The following RPS6KL1 variants were observed in gnomAD, a reference collection of about 807,000 sequenced individuals.
RPS6KL1 encodes ribosomal protein S6 kinase like 1, also known as ribosomal protein S6 kinase-like 1.
A neutral mutation model predicts 57.0 loss-of-function variants in RPS6KL1; 41 were observed. That is an observed-to-expected ratio of 0.72 (90% confidence interval 0.56 to 0.93). The LOEUF is 0.93. Ranked by LOEUF, RPS6KL1 falls within the 40% of genes least tolerant of loss-of-function variation. RPS6KL1 has a pLI of 0.00. For synonymous variants in RPS6KL1, 287 were observed against 309.7 expected (o/e 0.93, Z 0.77); for missense variants, 697 against 727.7 (o/e 0.96, Z 0.49).
rs749418985 is a variant in RPS6KL1, at chr14:74,909,702, C to A, written c.1111G>T (p.Asp371Tyr). Residue 371 changes from aspartate (D) to tyrosine (Y), a missense_variant, in exon 8 of 12, where the codon GAT becomes TAT. Transcript: ENST00000557413. ...CTGCCACAGCCCCGGCCGGCCCCAT[C>A]TGCTGACAGGCAGCTCTGATCCATG... ...RGMDQSCLSA[D>Y]GAGRGCGRAT... 6.2e-7 allele frequency: 1 copy of A among 1,609,156 alleles called. No individual in the cohort carries two copies.
At position 74,918,541 on chromosome 14, in the gene RPS6KL1, C is replaced by A; in HGVS notation, c.455G>T (p.Gly152Val). 6.5e-7 allele frequency: 1 copy of A among 1,534,612 alleles called. No homozygotes were observed. Among genetic ancestry groups the A allele is most frequent in the Non-Finnish European group, 8.7e-7 (1 of 1,146,218 alleles). ...CTCGATGACCCCGACCACCCTGCAG[C>A]CCCTCAGCTGCTCCACGGCAGAGCT... Reference protein sequence around the residue: ...TLSSAVEQLRGCRVVGVIEKV... With the variant: ...TLSSAVEQLRVCRVVGVIEKV... Residue 152 changes from glycine to valine, a missense_variant, in exon 5 of 12, where the codon GGC (glycine) becomes GTC (valine). By Grantham distance (109) the Gly-to-Val change is moderately radical. Coordinates refer to ENST00000557413, the MANE Select transcript of RPS6KL1 (RefSeq NM_031464.5).
In RPS6KL1 at chr14:74,909,185, T is replaced by G; in HGVS notation, c.1276A>C (p.Ile426Leu). 1 of 1,614,084 alleles carries G rather than the reference T, an allele frequency of 6.2e-7. No individual in the cohort carries two copies. Among genetic ancestry groups the G allele is most frequent in the Non-Finnish European group, 8.5e-7 (1 of 1,179,944 alleles). The change falls in exon 9 of 12, where the codon ATC (isoleucine) becomes CTC (leucine). Residue 426 changes from isoleucine (I) to leucine (L), a missense_variant. Coordinates refer to ENST00000557413, the MANE Select transcript of RPS6KL1 (RefSeq NM_031464.5). ...GNLLLDQAGH[I>L]RLTYFGQWSE... ...CACTGGCCAAAATATGTGAGCCGGA[T>G]GTGACCTCCAGTGTGTGGGAGGAAA...
intron 4 of RPS6KL1, among the ~76,000 whole-genome samples, chr14:74,919,460 G>A (rs1364353593): frequency 6.6e-6 from 1 of 152,132 alleles, no homozygotes; most frequent in Non-Finnish European, 1.5e-5. Context: ...AGGGTGTCGG[G>A]GTCTGCTCCA....
rs1356082485 is a variant in RPS6KL1, at chr14:74,918,616, G to C, written c.391-11C>G. The C allele has an allele frequency of 1.3e-6, 2 of 1,531,056 alleles. No homozygotes were observed. The highest frequency in any genetic ancestry group is 1.4e-5 in the African/African-American group (1 of 73,090). The allele number at this position is 1,531,056 out of a possible 1,614,324, so 94.8% of individuals were successfully genotyped here. On this transcript the variant is annotated splice_polypyrimidine_tract_variant and intron_variant, in intron 4 of 11. Transcript: ENST00000557413. Reference sequence around the variant, plus strand: ...CAGGCTGCTGAAACCCTGCAGAGGAGGGAGACAGGCCACACACAGCCTCAG... The same window carrying C: ...CAGGCTGCTGAAACCCTGCAGAGGACGGAGACAGGCCACACACAGCCTCAG...
intron 3 of RPS6KL1, 39 bp downstream of exon 3, chr14:74,921,238 T>TTCCCCCCCCCC: frequency 1.7e-4 from 139 of 839,922 alleles, no homozygotes; most frequent in Middle Eastern, 5.2e-4. Flanking sequence ...CACTGGCCCT[T>TTCCCCCCCCCC]CCCCACCCAC....
intron 5 of RPS6KL1, among the ~76,000 whole-genome samples, chr14:74,912,229 T>C (rs1191365098): frequency 2.0e-5 from 3 of 152,126 alleles, no homozygotes; most frequent in African/African-American, 7.2e-5. Context: ...GCTAGACACA[T>C]GCACTGTGAG....
Position 74,918,548 on chromosome 14 carries a change from G to C in RPS6KL1, c.448C>G (p.Leu150Val). 1 of 1,534,476 alleles carries C rather than the reference G, an allele frequency of 6.5e-7. No individual in the cohort carries two copies. The highest frequency in any genetic ancestry group is 8.7e-7 in the Non-Finnish European group (1 of 1,146,162). Reference protein sequence around the residue: ...IRTLSSAVEQLRGCRVVGVIE... With the variant: ...IRTLSSAVEQVRGCRVVGVIE... ...ACCCCGACCACCCTGCAGCCCCTCA[G>C]CTGCTCCACGGCAGAGCTCAGCGTG... is the stretch of plus-strand genomic sequence containing the variant. Residue 150 changes from leucine (L) to valine (V), a missense_variant, in exon 5 of 12, where the codon CTG (leucine) becomes GTG (valine). Leu to Val is a conservative substitution (Grantham distance 32). Transcript: ENST00000557413.
chr14:74,922,417 G>T lies in RPS6KL1; in HGVS notation c.-460C>A. ...TTTTGTTCCCTTGGTCCTGAGGTCA[G>T]TGTGGTCAGCGAGTGAGGACCCCTC... On this transcript the variant is annotated 5_prime_UTR_variant, in exon 2 of 12. The change creates a new upstream start codon in the 5' untranslated region. Coordinates refer to ENST00000557413, the MANE Select transcript of RPS6KL1 (RefSeq NM_031464.5). 1.1e-6 allele frequency: 1 copy of T among 922,058 alleles called. No homozygotes were observed. The highest frequency in any genetic ancestry group is 1.3e-6 in the Non-Finnish European group (1 of 771,674). 57.1% of individuals were successfully genotyped at this position (922,058 alleles called of 1,614,324 possible). A position where few individuals can be genotyped will look rare whatever the true frequency, so the allele number is the denominator to read the frequency against.
At chr14:74,913,796 A>T (rs1886410208) in intron 5 of RPS6KL1, among the ~76,000 whole-genome samples, 1 of 152,232 alleles carries the variant, frequency 6.6e-6, no homozygotes, top group Admixed American at 6.5e-5. Flanking sequence ...CACCCTTGAT[A>T]ACCTGTCGTG....
At chr14:74,915,631 G>A (rs1330619432) in intron 5 of RPS6KL1, among the ~76,000 whole-genome samples, 4 of 152,204 alleles carry the variant, frequency 2.6e-5, no homozygotes, top group East Asian at 3.8e-4. Flanking sequence ...GGGTGGAGGC[G>A]CAGAAAGGAG....
chr14:74,904,805 C>T lies in RPS6KL1; in HGVS notation c.*2209G>A, dbSNP rs1012745590. 1 of 152,170 alleles carries T rather than the reference C, an allele frequency of 6.6e-6. No homozygotes were observed. Among genetic ancestry groups the T allele is most frequent in the Non-Finnish European group, 1.5e-5 (1 of 68,040 alleles). The allele number at this position is 152,170 out of a possible 1,614,324, so 9.4% of individuals were successfully genotyped here. On this transcript the variant is annotated 3_prime_UTR_variant, in exon 12 of 12. Transcript: ENST00000557413. ...CAGGTGAGGGTTGATGACCTAGGAG[C>T]AGTGGTCAGTGAGCGTGAGTGTACA...
chr14:74,909,373 G>C (rs750549727), intron 8 of RPS6KL1, 170 bp downstream of exon 8: 3 of 1,017,000 alleles, frequency 2.9e-6, no homozygotes, highest in Non-Finnish European at 4.3e-6. Flanking sequence ...GAGCCCACAG[G>C]GTACTCCCAG....
At chr14:74,917,270 G>A (rs1357235555) in intron 5 of RPS6KL1, among the ~76,000 whole-genome samples, 1 of 152,236 alleles carries the variant, frequency 6.6e-6, no homozygotes, top group Non-Finnish European at 1.5e-5. Flanking sequence ...CCCCATTGGG[G>A]GAGAATTCTC....
rs1001565222 is a variant in RPS6KL1 at position 74,907,016 on chromosome 14, AC to A, written c.1647del (p.Ter550LysfsTer77). 10 of 1,607,774 alleles carry A rather than the reference AC, an allele frequency of 6.2e-6. No individual in the cohort carries two copies. In the African/African-American group the frequency reaches 1.1e-4, roughly 17 times the overall value. On this transcript the variant is annotated frameshift_variant, in exon 12 of 12. Coordinates refer to ENST00000557413, the MANE Select transcript of RPS6KL1 (RefSeq NM_031464.5). LOFTEE classifies it high-confidence loss of function. ...CTTCCGTCACCCGCTCTGCCCTCTT[AC>A]CCCACCAGCTTGCTCCATTGGATGG... The part of the protein sequence containing the change: ...FSTIQWSKLV[G>X]
intron 6 of RPS6KL1, 116 bp downstream of exon 6, chr14:74,911,678 C>T: frequency 9.9e-7 from 1 of 1,008,254 alleles, no homozygotes; most frequent in Non-Finnish European, 1.5e-6. Flanking sequence ...GGCAGAACAA[C>T]CAGCTTTTGT....
intron 7 of RPS6KL1, 85 bp downstream of exon 7, chr14:74,911,163 C>T (rs765912874): frequency 2.7e-5 from 38 of 1,381,880 alleles, no homozygotes; most frequent in Middle Eastern, 3.5e-4. Flanking sequence ...TGAGCCACCA[C>T]GCCCTGCCAG....
chr14:74,921,727 A>T, intron 2 of RPS6KL1, 166 bp from the exon 3 acceptor site: 3 of 1,421,910 alleles, frequency 2.1e-6, no homozygotes, highest in Non-Finnish European at 2.7e-6. Flanking sequence ...GTCCTTCCTA[A>T]GTGGTGGTAA....
rs1335001653 is a variant in RPS6KL1 at position 74,905,187 on chromosome 14, G to A, written c.*1827C>T. ...CTCAGGGCCCAACAAAGTGTCAGAT[G>A]TGTAGCTTTGGGTGGATGAAGCACA... On this transcript the variant is annotated 3_prime_UTR_variant, in exon 12 of 12. Coordinates refer to ENST00000557413, the MANE Select transcript of RPS6KL1 (RefSeq NM_031464.5). 6.6e-6 allele frequency: 1 copy of A among 152,168 alleles called. No homozygotes were observed. Among genetic ancestry groups the A allele is most frequent in the Non-Finnish European group, 1.5e-5 (1 of 68,032 alleles). 9.4% of individuals were successfully genotyped at this position (152,168 alleles called of 1,614,324 possible).
chr14:74,917,043 G>A (rs1038144231), intron 5 of RPS6KL1, among the ~76,000 whole-genome samples: 10 of 152,306 alleles, frequency 6.6e-5, no homozygotes, highest in African/African-American at 2.4e-4. Flanking sequence ...GTGGGGAGGG[G>A]ACCGTGGCAG....
Sources: allele counts gnomAD v4.1 joint callset (sites outside exome capture counted in the v4.1 genomes callset), GRCh38; gene constraint gnomAD v4.1.1; transcripts MANE v1.5; gene names NCBI Gene and HGNC (gene_info 2026-07-23, HGNC 2026-07-21).